The following VRK3 variants were observed in gnomAD, a reference collection of about 807,000 sequenced individuals.
The protein encoded by VRK3 is VRK serine/threonine kinase 3, also known as serine/threonine-protein kinase VRK3.
A neutral mutation model predicts 60.4 loss-of-function variants in VRK3; 50 were observed. That is an observed-to-expected ratio of 0.83 (90% confidence interval 0.66 to 1.05). VRK3 has a LOEUF of 1.05. Ranked by LOEUF, VRK3 falls within the 50% of genes least tolerant of loss-of-function variation. VRK3 has a pLI of 0.00. For synonymous variants in VRK3, 246 were observed against 227.8 expected, an observed-to-expected ratio of 1.08 and a Z score of -0.72; for missense variants, 549 against 585.3, an observed-to-expected ratio of 0.94 and a Z score of 0.64.
chr19:50,020,265 T>C (rs931785364), intron 2 of VRK3, among the ~76,000 whole-genome samples: 1 of 152,172 alleles, frequency 6.6e-6, no homozygotes, highest in Non-Finnish European at 1.5e-5. Flanking sequence ...GGTCTCGAAC[T>C]CCTGACCTCA....
At chr19:49,977,835 G>T (rs2076356955) in intron 14 of VRK3, among the ~76,000 whole-genome samples, 1 of 152,088 alleles carries the variant, frequency 6.6e-6, no homozygotes, top group Admixed American at 6.6e-5. Flanking sequence ...ACTGGTTGAG[G>T]CAGAGAGCCT....
intron 12 of VRK3, 157 bp downstream of exon 12, chr19:49,988,215 T>A: frequency 1.7e-6 from 2 of 1,179,232 alleles, no homozygotes; most frequent in Non-Finnish European, 2.3e-6. Context: ...GCCTGCTGTG[T>A]GGACACTGCA....
chr19:49,994,953 T>C (rs1600677911), intron 8 of VRK3, 34 bp from the exon 9 acceptor site: 1 of 1,598,350 alleles, frequency 6.3e-7, no homozygotes, highest in Non-Finnish European at 8.6e-7. Flanking sequence ...AGGTGGGAGA[T>C]GAACAGGGGA....
chr19:49,981,104 G>T (rs2076414864), intron 12 of VRK3, 91 bp from the exon 13 acceptor site: 1 of 1,078,000 alleles, frequency 9.3e-7, no homozygotes. Context: ...CACAGCCTAA[G>T]ATATATACAC....
intron 9 of VRK3, among the ~76,000 whole-genome samples, chr19:49,993,907 C>A (rs2076655595): frequency 1.3e-5 from 2 of 152,132 alleles, no homozygotes; most frequent in Non-Finnish European, 2.9e-5. Flanking sequence ...CAGTCCCTCC[C>A]CATATGGCCC....
chr19:50,022,155 A>G (rs891603103), intron 1 of VRK3, among the ~76,000 whole-genome samples: 1 of 152,214 alleles, frequency 6.6e-6, no homozygotes, highest in Non-Finnish European at 1.5e-5. Context: ...CAGAACCCAA[A>G]AGCCCATGTT....
chr19:49,980,868 G>A (rs2076410265), intron 13 of VRK3, 87 bp downstream of exon 13: 13 of 1,207,838 alleles, frequency 1.1e-5, no homozygotes, highest in South Asian at 1.1e-4. Flanking sequence ...AAAATGAAGA[G>A]GTGTAAGGAG....
chr19:50,009,463 G>T (rs2076959071), intron 3 of VRK3, 78 bp from the exon 4 acceptor site: 1 of 1,550,356 alleles, frequency 6.5e-7, no homozygotes, highest in African/African-American at 1.4e-5. Flanking sequence ...GAGCCCTGAG[G>T]TTATACTCAG....
intron 12 of VRK3, chr19:49,982,064 GA>G: frequency 1.4e-6 from 1 of 697,090 alleles, no homozygotes. Context: ...GCATAACGGA[GA>G]TATCTGGGTC....
At chr19:50,002,302 G>A (rs893477725) in intron 5 of VRK3, among the ~76,000 whole-genome samples, 3 of 151,778 alleles carry the variant, frequency 2.0e-5, no homozygotes, top group African/African-American at 7.3e-5. Context: ...AGGGTTGGGA[G>A]CCAGCTCTAC....
At position 50,000,718 on chromosome 19, in the gene VRK3, G is replaced by T. The variant is rs2076789300; in HGVS notation, c.612+72C>A. 3.3e-6 allele frequency: 5 copies of T among 1,520,258 alleles called. No individual in the cohort carries two copies. In the East Asian group the frequency reaches 1.2e-4, roughly 37 times the overall value. The allele number at this position is 1,520,258 out of a possible 1,614,324, so 94.2% of individuals were successfully genotyped here. The stretch of plus-strand genomic sequence containing the variant: ...CCGAGCTCTCCCAGCTGACAGACGG[G>T]CTCAGAAGTCAAGGATGTGTTTGTG... On this transcript the variant is annotated intron_variant, in intron 6 of 14. Transcript: ENST00000316763.
chr19:49,985,965 G>A (rs559418649), intron 12 of VRK3, among the ~76,000 whole-genome samples: 3 of 152,312 alleles, frequency 2.0e-5, no homozygotes, highest in East Asian at 1.9e-4. Flanking sequence ...CACAGATCAC[G>A]AGAGCACGCA....
chr19:49,982,448 C>G (rs1211317814), intron 12 of VRK3, among the ~76,000 whole-genome samples: 1 of 152,092 alleles, frequency 6.6e-6, no homozygotes, highest in Non-Finnish European at 1.5e-5. Context: ...TGGCTGAGGC[C>G]ATTTTAAATG....
chr19:49,980,044 C>T (rs1465445846), intron 13 of VRK3, among the ~76,000 whole-genome samples: 3 of 151,340 alleles, frequency 2.0e-5, no homozygotes, highest in East Asian at 1.9e-4. Context: ...AGCAAGACTC[C>T]GTCTCAAAAA....
chr19:49,981,614 T>C (rs2076423458), intron 12 of VRK3: 1 of 693,726 alleles, frequency 1.4e-6, no homozygotes, highest in Non-Finnish European at 1.8e-6. Flanking sequence ...TCTTATGTAA[T>C]AAGTATTGTT....
intron 3 of VRK3, among the ~76,000 whole-genome samples, chr19:50,010,591 T>C (rs1276366151): frequency 6.6e-6 from 1 of 152,228 alleles, no homozygotes; most frequent in Non-Finnish European, 1.5e-5. Context: ...GGCCCCAAAC[T>C]GGTGAGAACG....
chr19:50,011,404 T>C (rs1270909724), intron 3 of VRK3, among the ~76,000 whole-genome samples: 2 of 152,230 alleles, frequency 1.3e-5, no homozygotes, highest in Admixed American at 6.5e-5. Flanking sequence ...TTCTTTTTAG[T>C]TGACACTGAC....
intron 3 of VRK3, among the ~76,000 whole-genome samples, chr19:50,009,966 A>G (rs2076965846): frequency 6.6e-6 from 1 of 151,998 alleles, no homozygotes. Context: ...CTTAAAATCT[A>G]TCTTCCAGTT....
chr19:49,994,823 G>C lies in VRK3; in HGVS notation c.861C>G (p.Ala287=), dbSNP rs150323914. 194 of 1,613,470 alleles carry C rather than the reference G, an allele frequency of 1.2e-4. No individual in the cohort carries two copies. The African/African-American group carries it at 2.3e-3, about 19-fold the overall frequency. ...ACTTCTGGGTACGCACCAGCCGGCA[G>C]GCCACCTGCAGCACAGACCTCTCTG... is the stretch of plus-strand genomic sequence containing the variant. ...VLSERSVLQV[A]CRLLDALEFL... Residue 287 remains alanine (A), a synonymous_variant, in exon 9 of 15, where the codon GCC becomes GCG. Transcript: ENST00000316763.
Sources: allele counts gnomAD v4.1 joint callset (sites outside exome capture counted in the v4.1 genomes callset), GRCh38; gene constraint gnomAD v4.1.1; transcripts MANE v1.5; gene names NCBI Gene and HGNC (gene_info 2026-07-23, HGNC 2026-07-21).